KCTD19: variants seen among roughly 807,000 people sequenced by gnomAD.
The protein encoded by KCTD19 is potassium channel tetramerization domain containing 19, also known as BTB/POZ domain-containing protein KCTD19.
KCTD19 carries 67 observed loss-of-function variants against 103.5 expected under a neutral mutation model. The observed-to-expected ratio is 0.65, with a 90% confidence interval of 0.53 to 0.79. The LOEUF (loss-of-function observed/expected upper bound fraction) is 0.79, where lower values mean the gene tolerates loss of function less well. Among genes scored for constraint, KCTD19 ranks in the 30% least tolerant of loss-of-function variants. KCTD19 has a pLI of 0.00. For missense variants in KCTD19, 980 were observed against 1,136.1 expected (o/e 0.86, Z 1.98); for synonymous variants, 439 against 452.2 (o/e 0.97, Z 0.37).
In KCTD19 at chr16:67,323,220, A is replaced by T. The variant is rs1021547078; in HGVS notation, c.4-2335T>A. 6.6e-6 allele frequency among the ~76,000 whole-genome samples: 1 copy of T among 152,234 alleles called. No individual in the cohort carries two copies. Among genetic ancestry groups the T allele is most frequent in the Non-Finnish European group, 1.5e-5 (1 of 68,046 alleles). On this transcript the variant is annotated intron_variant, in intron 1 of 15. Transcript: ENST00000304372. The surrounding 1 kb of genome is among the most constrained non-coding windows in gnomAD (Gnocchi z 4.1). ...TCCTAGGTGTACACTTAAGACAAAT[A>T]AAGACATATGTCCACACCAAAATTT...
Position 67,304,540 on chromosome 16 carries a change from T to A in KCTD19, c.332A>T (p.His111Leu). The change falls in exon 3 of 16, where the codon CAT becomes CTT. Residue 111 changes from histidine (H) to leucine (L), a missense_variant. Physicochemically the swap from His to Leu is moderately conservative, Grantham distance 99. Transcript: ENST00000304372. ...TAGGTCTGCAGGCCGTACGCGTAGA[T>A]GGTGTTTCCCTTCCTTCAGGTTATC... ...TLDNLKEGKH[H>L]LRVRPADLPV... 1 of 1,614,140 alleles carries A rather than the reference T, an allele frequency of 6.2e-7. No homozygotes were observed. The highest frequency in any genetic ancestry group is 8.5e-7 in the Non-Finnish European group (1 of 1,179,956).
At chr16:67,306,059 G>A (rs554979322) in intron 2 of KCTD19, among the ~76,000 whole-genome samples, 25 of 152,326 alleles carry the variant, frequency 1.6e-4, no homozygotes, top group African/African-American at 4.6e-4. Context: ...CAGTGTGTGC[G>A]TGGAACGCTG....
Position 67,325,257 on chromosome 16 carries a change from T to A in KCTD19, c.3+1448A>T, listed in dbSNP as rs1042270931. Reference sequence around the variant, plus strand: ...TCTCGCTCTCTAGCCCAGGCTGGAGTGCAGTGGCACGATTTTGGCTCACTG... The same window carrying A: ...TCTCGCTCTCTAGCCCAGGCTGGAGAGCAGTGGCACGATTTTGGCTCACTG... On this transcript the variant is annotated intron_variant, in intron 1 of 15. Coordinates refer to ENST00000304372, the MANE Select transcript of KCTD19 (RefSeq NM_001100915.3). 2.8e-5 allele frequency among the ~76,000 whole-genome samples: 4 copies of A among 145,092 alleles called. No homozygotes were observed. The Admixed American group carries it at 2.8e-4, about 10-fold the overall frequency.
Position 67,293,882 on chromosome 16 carries a change from G to A in KCTD19, c.1880C>T (p.Pro627Leu), listed in dbSNP as rs762572868. The change falls in exon 12 of 16, where the codon CCT becomes CTT. Residue 627 changes from proline to leucine, a missense_variant. Transcript: ENST00000304372. The surrounding 1 kb of genome is among the most constrained non-coding windows in gnomAD (Gnocchi z 4.0). ...GAGTTTTTGCATGGGAGTGGCGGGA[G>A]GGTCTTTGGTTTCAGATTTCTGTGT... ...NLTQKSETKD[P>L]PATPMQKLIS... 3.1e-6 allele frequency: 5 copies of A among 1,613,442 alleles called. No homozygotes were observed. The highest frequency in any genetic ancestry group is 1.7e-4 in the Middle Eastern group (1 of 6,060).
chr16:67,301,990 T>G, intron 4 of KCTD19, 68 bp from the exon 5 acceptor site: 1 of 1,521,864 alleles, frequency 6.6e-7, no homozygotes, highest in South Asian at 1.1e-5. Context: ...GGTCCTGGTT[T>G]TGGCAGGTTT....
Position 67,303,109 on chromosome 16 carries a change from A to AGGGGGGGGGGGG in KCTD19, c.643+36_643+37insCCCCCCCCCCCC. The AGGGGGGGGGGGG allele has an allele frequency of 2.1e-6, 1 of 483,252 alleles. No homozygotes were observed. Among genetic ancestry groups the AGGGGGGGGGGGG allele is most frequent in the Non-Finnish European group, 4.0e-6 (1 of 247,146 alleles). 29.9% of individuals were successfully genotyped at this position (483,252 alleles called of 1,614,324 possible). On this transcript the variant is annotated intron_variant, in intron 4 of 15. Coordinates refer to ENST00000304372, the MANE Select transcript of KCTD19 (RefSeq NM_001100915.3). This position sits in a 1 kb window ranked among gnomAD's most constrained non-coding sequence, Gnocchi z 4.3. ...TGGGGAGGGGTGAATGGGCCCTATC[A>AGGGGGGGGGGGG]GCCCGCCCCCCACCCCACCCCGGAC...
chr16:67,312,007 C>T (rs191360681), intron 2 of KCTD19, among the ~76,000 whole-genome samples: 1 of 152,244 alleles, frequency 6.6e-6, no homozygotes, highest in Non-Finnish European at 1.5e-5. Context: ...TTCTTAAAAA[C>T]GTCATTTGTG....
At chr16:67,318,880 G>A (rs1356582435) in intron 2 of KCTD19, among the ~76,000 whole-genome samples, 3 of 151,962 alleles carry the variant, frequency 2.0e-5, no homozygotes, top group Non-Finnish European at 2.9e-5. Flanking sequence ...AATTCAAGAA[G>A]GTAGCTTGAA....
intron 6 of KCTD19, 99 bp downstream of exon 6, chr16:67,299,264 A>C (rs1269850892): frequency 1.4e-5 from 15 of 1,098,244 alleles, no homozygotes; most frequent in Middle Eastern, 2.8e-4. Flanking sequence ...CCAAGGACAC[A>C]CTTCACCTCT....
At chr16:67,291,899 G>A in intron 12 of KCTD19, 62 bp from the exon 13 acceptor site, 2 of 1,240,122 alleles carry the variant, frequency 1.6e-6, no homozygotes, top group Non-Finnish European at 2.2e-6. Flanking sequence ...TCAAGATAGA[G>A]TTTTGCTTTT....
chr16:67,294,788 C>G, intron 10 of KCTD19, 94 bp from the exon 11 acceptor site: 1 of 1,039,212 alleles, frequency 9.6e-7, no homozygotes. Context: ...GGAGTTAATG[C>G]TAGACAGCAG....
At chr16:67,302,142 G>A (rs1217880754) in intron 4 of KCTD19, 2 of 438,446 alleles carry the variant, frequency 4.6e-6, no homozygotes, top group Admixed American at 7.2e-5. Flanking sequence ...CCGTGGGTGT[G>A]GCCTCCCGTG....
intron 1 of KCTD19, chr16:67,326,110 G>A (rs1006086849): frequency 6.6e-6 from 1 of 152,174 alleles, no homozygotes; most frequent in African/African-American, 2.4e-5. Context: ...ATTTTTAGTA[G>A]AGATGGGGTT....
At position 67,320,850 on chromosome 16, in the gene KCTD19, G is replaced by A; in HGVS notation, c.39C>T (p.Asp13=). 1 of 1,614,086 alleles carries A rather than the reference G, an allele frequency of 6.2e-7. No individual in the cohort carries two copies. Among genetic ancestry groups the A allele is most frequent in the Non-Finnish European group, 8.5e-7 (1 of 1,179,980 alleles). ...AGCCCCCTACGTTGAAATGAAACAAGTCCTCTGCTGATTCATGAGCCATGC... is the reference window on the plus strand; with the variant it reads ...AGCCCCCTACGTTGAAATGAAACAAATCCTCTGCTGATTCATGAGCCATGC... ...ESGMAHESAE[D]LFHFNVGGWH... is the part of the protein sequence containing the mutation. Residue 13 remains aspartate (D), a synonymous_variant, in exon 2 of 16, where the codon GAC becomes GAT. Coordinates refer to ENST00000304372, the MANE Select transcript of KCTD19 (RefSeq NM_001100915.3). This position sits in a 1 kb window ranked among gnomAD's most constrained non-coding sequence, Gnocchi z 4.0.
At chr16:67,311,577 A>G (rs1178523960) in intron 2 of KCTD19, among the ~76,000 whole-genome samples, 1 of 152,164 alleles carries the variant, frequency 6.6e-6, no homozygotes, top group Non-Finnish European at 1.5e-5. Flanking sequence ...TTGGGATTAC[A>G]GGCGCGAGCC....
In KCTD19 at chr16:67,303,438, A is replaced by G. The variant is rs2036859758; in HGVS notation, c.452-101T>C. On this transcript the variant is annotated intron_variant, in intron 3 of 15. Coordinates refer to ENST00000304372, the MANE Select transcript of KCTD19 (RefSeq NM_001100915.3). This position sits in a 1 kb window ranked among gnomAD's most constrained non-coding sequence, Gnocchi z 4.3. ...CCAGGGGCCCCAGAGGATGCTAGAG[A>G]GACCCCCCAGGATATGGTCCTTGCC... 4 of 850,070 alleles carry G rather than the reference A, an allele frequency of 4.7e-6. No homozygotes were observed. In the Admixed American group the frequency reaches 1.2e-4, roughly 25 times the overall value. The allele number at this position is 850,070 out of a possible 1,614,324, so 52.7% of individuals were successfully genotyped here. A position where few individuals can be genotyped will look rare whatever the true frequency, so the allele number is the denominator to read the frequency against.
At chr16:67,325,884 C>G (rs1477849359) in intron 1 of KCTD19, 1 of 151,892 alleles carries the variant, frequency 6.6e-6, no homozygotes, top group Non-Finnish European at 1.5e-5. Flanking sequence ...CCTTCTCCCC[C>G]GAAGAAGCTC....
At chr16:67,308,211 G>T (rs1567452080) in intron 2 of KCTD19, among the ~76,000 whole-genome samples, 1 of 146,024 alleles carries the variant, frequency 6.8e-6, no homozygotes, top group African/African-American at 2.5e-5. Context: ...CGCCCAAGCT[G>T]GAGTGCAGTC....
intron 2 of KCTD19, 64 bp from the exon 3 acceptor site, chr16:67,304,635 T>C: frequency 7.1e-7 from 1 of 1,416,838 alleles, no homozygotes; most frequent in Non-Finnish European, 9.9e-7. Flanking sequence ...CCAATTCTAG[T>C]GTGAAGATCA....
Sources: gnomAD v4.1 joint callset for allele counts (sites outside exome capture counted in the v4.1 genomes callset) on GRCh38, gnomAD v4.1.1 for gene constraint, Gnocchi (gnomAD v3.1) non-coding constraint, MANE v1.5 for transcripts, NCBI Gene and HGNC (gene_info 2026-07-23, HGNC 2026-07-21) for gene names.